GPM6A: variants seen among roughly 807,000 people sequenced by gnomAD.
GPM6A encodes neuronal membrane glycoprotein M6-a.
Under a neutral mutation model 32.1 loss-of-function variants are expected in GPM6A, and 7 were observed. The ratio of observed to expected loss-of-function variants is 0.22; its 90% CI spans 0.12 to 0.41. The LOEUF (loss-of-function observed/expected upper bound fraction) is 0.41. GPM6A is among the 10% of genes least tolerant of loss of function. The pLI is 1.00. For synonymous variants in GPM6A, 130 were observed against 123.4 expected (o/e 1.05, Z -0.35); for missense variants, 235 against 347.2 (o/e 0.68, Z 2.57).
At chr4:175,962,245 T>C in intron 1 of GPM6A, 3 of 1,349,514 alleles carry the variant, frequency 2.2e-6, no homozygotes, top group African/African-American at 1.4e-5. Context: ...ATTGACCTCC[T>C]ATATGTCATT....
intron 1 of GPM6A, among the ~76,000 whole-genome samples, chr4:175,992,350 A>G (rs901090050): frequency 6.6e-6 from 1 of 152,204 alleles, no homozygotes; most frequent in Non-Finnish European, 1.5e-5. Context: ...ACTTGAAGAA[A>G]GAAAAATACC....
At chr4:175,756,285 T>C (rs997866335) in intron 1 of GPM6A, among the ~76,000 whole-genome samples, 9 of 152,030 alleles carry the variant, frequency 5.9e-5, no homozygotes, top group African/African-American at 2.2e-4. Flanking sequence ...CTGGAAGCTC[T>C]CTGAAGGATG....
intron 2 of GPM6A, among the ~76,000 whole-genome samples, chr4:175,691,433 A>G: frequency 6.6e-6 from 1 of 151,672 alleles, no homozygotes; most frequent in East Asian, 1.9e-4. Context: ...AAATTTTTTT[A>G]AAAAGCATAT....
At chr4:175,859,845 C>T (rs994985490) in intron 1 of GPM6A, among the ~76,000 whole-genome samples, 1 of 151,970 alleles carries the variant, frequency 6.6e-6, no homozygotes, top group African/African-American at 2.4e-5. Context: ...TTTAAAATAA[C>T]CATGAGTAGT....
At chr4:175,765,434 T>G (rs1297667153) in intron 1 of GPM6A, among the ~76,000 whole-genome samples, 1 of 152,208 alleles carries the variant, frequency 6.6e-6, no homozygotes, top group African/African-American at 2.4e-5. Flanking sequence ...TGTGAGTACA[T>G]GTGATATTTT....
chr4:175,702,271 T>C (rs1744922184), intron 1 of GPM6A, among the ~76,000 whole-genome samples: 1 of 152,210 alleles, frequency 6.6e-6, no homozygotes, highest in Admixed American at 6.5e-5. Flanking sequence ...GAGGATAAAA[T>C]CGGGGTAATT....
At position 175,701,644 on chromosome 4, in the gene GPM6A, G is replaced by A. The variant is rs1287665714; in HGVS notation, c.161C>T (p.Thr54Ile). ...AAAGTAGGTTTGCAGAATGTTGACA[G>A]TTCCAGAAAGCGCTTCATGACCGCA... is the stretch of plus-strand genomic sequence containing the variant. ...CGCGHEALSG[T>I]VNILQTYFEM... Residue 54 changes from threonine (T) to isoleucine (I), a missense_variant, in exon 2 of 7, where the codon ACT (threonine) becomes ATT (isoleucine). Physicochemically the swap from Thr to Ile is moderately conservative, Grantham distance 89. Transcript: ENST00000393658. 1.9e-6 allele frequency: 3 copies of A among 1,613,908 alleles called. No homozygotes were observed.
chr4:175,931,476 C>G (rs1739035903), intron 1 of GPM6A, among the ~76,000 whole-genome samples: 1 of 151,990 alleles, frequency 6.6e-6, no homozygotes, highest in Non-Finnish European at 1.5e-5. Flanking sequence ...ACTTTTCTCT[C>G]TATATTTTAC....
At chr4:175,892,824 A>C (rs1008276479) in intron 1 of GPM6A, among the ~76,000 whole-genome samples, 3 of 152,166 alleles carry the variant, frequency 2.0e-5, no homozygotes, top group Non-Finnish European at 4.4e-5. Context: ...CGTCTTCCAG[A>C]TTTTTACCTA....
At chr4:175,944,933 A>C (rs976048327) in intron 1 of GPM6A, among the ~76,000 whole-genome samples, 3 of 152,098 alleles carry the variant, frequency 2.0e-5, no homozygotes, top group Non-Finnish European at 4.4e-5. Context: ...CTTCATGTAC[A>C]TTTTTTTGTT....
intron 1 of GPM6A, among the ~76,000 whole-genome samples, chr4:175,946,760 G>A (rs980219967): frequency 6.6e-6 from 1 of 152,078 alleles, no homozygotes; most frequent in Non-Finnish European, 1.5e-5. Context: ...AGACAATTGG[G>A]GCCTGGTAGA....
chr4:175,884,588 T>C (rs180977414), intron 1 of GPM6A, among the ~76,000 whole-genome samples: 90 of 152,156 alleles, frequency 5.9e-4, no homozygotes, highest in Admixed American at 2.1e-3. Context: ...TTGGAGTGCA[T>C]TGGTGCAATC....
intron 6 of GPM6A, among the ~76,000 whole-genome samples, chr4:175,637,267 TTA>T (rs1231589760): frequency 7.7e-5 from 4 of 52,144 alleles, no homozygotes; most frequent in East Asian, 1.0e-3. Flanking sequence ...AAAATATATA[TTA>T]TATATTATAT....
upstream of GPM6A, chr4:175,812,337 T>TTTTTTTTG (rs1159751140): frequency 5.2e-6 from 7 of 1,346,898 alleles, no homozygotes; most frequent in South Asian, 1.7e-5. Context: ...TTTTTTTTTT[T>TTTTTTTTG]TTTCCTGGGA....
intron 1 of GPM6A, among the ~76,000 whole-genome samples, chr4:175,724,569 T>C (rs879443468): frequency 4.6e-5 from 7 of 151,968 alleles, no homozygotes; most frequent in Admixed American, 1.3e-4. Flanking sequence ...TTTTAACTTA[T>C]AGAATCAGAG....
At chr4:175,828,042 T>C (rs1011155373) in intron 1 of GPM6A, among the ~76,000 whole-genome samples, 2 of 152,208 alleles carry the variant, frequency 1.3e-5, no homozygotes, top group African/African-American at 2.4e-5. Flanking sequence ...GAAAATAATG[T>C]TATCCTGAGT....
chr4:175,824,560 T>A (rs1579542975), intron 1 of GPM6A, among the ~76,000 whole-genome samples: 1 of 152,180 alleles, frequency 6.6e-6, no homozygotes, highest in Non-Finnish European at 1.5e-5. Context: ...TTTCAGTATG[T>A]CTGATATCCA....
intron 2 of GPM6A, among the ~76,000 whole-genome samples, chr4:175,696,514 G>T (rs1744587390): frequency 6.6e-6 from 1 of 152,116 alleles, no homozygotes; most frequent in South Asian, 2.1e-4. Flanking sequence ...CTAATGAAAT[G>T]CACACTATTT....
At chr4:175,898,545 G>T (rs188350261) in intron 1 of GPM6A, among the ~76,000 whole-genome samples, 11 of 152,016 alleles carry the variant, frequency 7.2e-5, no homozygotes, top group African/African-American at 2.7e-4. Context: ...ACAGGCCCTC[G>T]GGGAATACGT....
Sources: gnomAD v4.1 joint callset for allele counts (sites outside exome capture counted in the v4.1 genomes callset) on GRCh38, gnomAD v4.1.1 for gene constraint, MANE v1.5 for transcripts, NCBI Gene and HGNC (gene_info 2026-07-23, HGNC 2026-07-21) for gene names.